The following LGSN variants were observed in gnomAD, a reference collection of about 807,000 sequenced individuals.
LGSN encodes the protein lengsin, lens protein with glutamine synthetase domain, also known as lengsin.
In LGSN, 21 loss-of-function variants were observed where a neutral mutation model predicts 19.5. The observed-to-expected ratio is 1.07, with a 90% confidence interval of 0.76 to 1.55. LGSN has a LOEUF of 1.55. Among genes scored for constraint, LGSN ranks in the 40% most tolerant of loss-of-function variants. LGSN has a pLI of 0.00. For synonymous variants in LGSN, 257 were observed against 215.6 expected (o/e 1.19, Z -1.68); for missense variants, 673 against 608.5 (o/e 1.11, Z -1.12).
intron 1 of LGSN, among the ~76,000 whole-genome samples, chr6:63,306,798 T>C (rs1052931176): frequency 6.6e-6 from 1 of 152,174 alleles, no homozygotes; most frequent in East Asian, 1.9e-4. Flanking sequence ...CAGACAATTG[T>C]TGCCATATTA....
At chr6:63,402,257 G>A in the LGSN span, among the ~76,000 whole-genome samples, 2 of 152,312 alleles carry the variant, frequency 1.3e-5, no homozygotes, top group Admixed American at 1.3e-4. Context: ...CTTTTCTCCA[G>A]TGGTGTTCAG....
chr6:63,375,489 T>C, the LGSN span, among the ~76,000 whole-genome samples: 2 of 151,914 alleles, frequency 1.3e-5, no homozygotes, highest in African/African-American at 4.8e-5. Flanking sequence ...AAAAGCTGGA[T>C]CATAAATGGA....
chr6:63,543,219 T>C, the LGSN span, among the ~76,000 whole-genome samples: 1 of 152,218 alleles, frequency 6.6e-6, no homozygotes, highest in Non-Finnish European at 1.5e-5. Context: ...GTTTTAAAAC[T>C]GAAAGTTCCT....
the LGSN span, among the ~76,000 whole-genome samples, chr6:63,462,079 A>T: frequency 6.6e-6 from 1 of 152,146 alleles, no homozygotes. Context: ...TTTCTCTTCC[A>T]GGTCTTTTCC....
chr6:63,319,846 T>C (rs758290085), intron 1 of LGSN, 68 bp downstream of exon 1: 15 of 1,103,782 alleles, frequency 1.4e-5, no homozygotes, highest in Non-Finnish European at 1.8e-5. Context: ...ATTCAAATAA[T>C]TGACATTTTT....
chr6:63,283,553 G>GTAAGACT (rs1317340759), intron 3 of LGSN, among the ~76,000 whole-genome samples: 1 of 149,766 alleles, frequency 6.7e-6, no homozygotes, highest in Non-Finnish European at 1.5e-5. Context: ...TAAGTTGGTT[G>GTAAGACT]TAAGACTTAA....
chr6:63,278,061 G>A lies in LGSN; in HGVS notation c.*1960C>T, dbSNP rs1767148712. On this transcript the variant is annotated 3_prime_UTR_variant, in exon 4 of 4. Coordinates refer to ENST00000370657, the MANE Select transcript of LGSN (RefSeq NM_016571.3). ...ATTGCACTTCAGCCTGGGTGACAAAGCGAGACTCCATCTCGGAAAAAAAAA... is the reference window on the plus strand; with the variant it reads ...ATTGCACTTCAGCCTGGGTGACAAAACGAGACTCCATCTCGGAAAAAAAAA... The A allele has an allele frequency of 1.3e-5, 2 of 149,554 alleles. No individual in the cohort carries two copies. The highest frequency in any genetic ancestry group is 5.0e-5 in the African/African-American group (2 of 40,246). The allele number at this position is 149,554 out of a possible 1,614,324, so 9.3% of individuals were successfully genotyped here.
chr6:63,493,389 C>A, the LGSN span, among the ~76,000 whole-genome samples: 103 of 152,334 alleles, frequency 6.8e-4, no homozygotes, highest in South Asian at 1.5e-3. Context: ...AGTCCATTTT[C>A]TTTCCCTTTT....
the LGSN span, among the ~76,000 whole-genome samples, chr6:63,337,049 G>A: frequency 1.3e-5 from 2 of 151,288 alleles, no homozygotes; most frequent in Non-Finnish European, 2.9e-5. Flanking sequence ...TCAGCCTCCC[G>A]AGTAGCTGGG....
chr6:63,537,948 G>A, the LGSN span, among the ~76,000 whole-genome samples: 3 of 152,314 alleles, frequency 2.0e-5, no homozygotes, highest in East Asian at 1.9e-4. Context: ...ACAGAAAAGA[G>A]GATGTAGTGT....
the LGSN span, among the ~76,000 whole-genome samples, chr6:63,517,695 A>G: frequency 6.6e-6 from 1 of 152,188 alleles, no homozygotes; most frequent in African/African-American, 2.4e-5. Flanking sequence ...GAAATTGTCA[A>G]TAATGATCTA....
chr6:63,301,206 G>A (rs184231786), intron 1 of LGSN, among the ~76,000 whole-genome samples: 2 of 152,138 alleles, frequency 1.3e-5, no homozygotes, highest in East Asian at 3.9e-4. Context: ...CAGGAGAATG[G>A]CTTGAACCTG....
At chr6:63,568,006 G>A in the LGSN span, among the ~76,000 whole-genome samples, 1 of 152,192 alleles carries the variant, frequency 6.6e-6, no homozygotes, top group East Asian at 1.9e-4. Context: ...AAAATGAAGA[G>A]AGTTAAGGCC....
At chr6:63,559,027 G>A in the LGSN span, among the ~76,000 whole-genome samples, 1 of 152,212 alleles carries the variant, frequency 6.6e-6, no homozygotes, top group Non-Finnish European at 1.5e-5. Flanking sequence ...TGGCTTGACT[G>A]TATGGAGGCG....
chr6:63,495,951 G>C, the LGSN span, among the ~76,000 whole-genome samples: 3 of 151,822 alleles, frequency 2.0e-5, no homozygotes, highest in Admixed American at 6.6e-5. Flanking sequence ...AAAAAAGACA[G>C]AGTCTCACTC....
At chr6:63,456,610 C>A in the LGSN span, among the ~76,000 whole-genome samples, 2 of 151,780 alleles carry the variant, frequency 1.3e-5, no homozygotes, top group South Asian at 4.2e-4. Context: ...GTTGTGCTCC[C>A]TGGAATATAC....
chr6:63,515,513 G>T, the LGSN span, among the ~76,000 whole-genome samples: 2 of 152,158 alleles, frequency 1.3e-5, no homozygotes, highest in Admixed American at 1.3e-4. Flanking sequence ...TTATAGGCGT[G>T]AGCCACCCCA....
chr6:63,573,523 C>G, the LGSN span: 1 of 152,178 alleles, frequency 6.6e-6, no homozygotes, highest in East Asian at 1.9e-4. Context: ...CGGGCGTGCT[C>G]GGGCGCACAC....
the LGSN span, among the ~76,000 whole-genome samples, chr6:63,358,737 G>A: frequency 6.6e-6 from 1 of 152,224 alleles, no homozygotes; most frequent in African/African-American, 2.4e-5. Flanking sequence ...TTTGGGCTGA[G>A]ACAATGGGGT....
Sources: gnomAD v4.1 joint callset for allele counts (sites outside exome capture counted in the v4.1 genomes callset) on GRCh38, gnomAD v4.1.1 for gene constraint, MANE v1.5 for transcripts, NCBI Gene and HGNC (gene_info 2026-07-23, HGNC 2026-07-21) for gene names.